The following EPHA6 variants were observed in gnomAD, a reference collection of about 807,000 sequenced individuals.
EPHA6 encodes EPH receptor A6.
EPHA6 carries 50 observed loss-of-function variants against 112.0 expected under a neutral mutation model. That is an observed-to-expected ratio of 0.45 (90% CI 0.36 to 0.56). The LOEUF (loss-of-function observed/expected upper bound fraction) is 0.56, where lower values mean the gene tolerates loss of function less well. EPHA6 is among the 20% of genes least tolerant of loss of function. EPHA6 has a pLI of 0.00. For missense variants in EPHA6, 1,280 were observed against 1,417.4 expected, an observed-to-expected ratio of 0.90 and a Z score of 1.56; for synonymous variants, 529 against 490.7, an observed-to-expected ratio of 1.08 and a Z score of -1.03.
chr3:97,369,393 G>A (rs2084921259), intron 5 of EPHA6, among the ~76,000 whole-genome samples: 1 of 152,114 alleles, frequency 6.6e-6, no homozygotes, highest in African/African-American at 2.4e-5. Context: ...TAGAAAAGTG[G>A]GTGGAGGCAG....
At chr3:97,700,605 A>G (rs1404316420) in intron 14 of EPHA6, among the ~76,000 whole-genome samples, 1 of 152,242 alleles carries the variant, frequency 6.6e-6, no homozygotes, top group African/African-American at 2.4e-5. Flanking sequence ...TGAACAGAAT[A>G]TCTAAAGTCA....
intron 5 of EPHA6, among the ~76,000 whole-genome samples, chr3:97,327,795 C>A (rs1025455689): frequency 1.0e-4 from 15 of 149,850 alleles, no homozygotes; most frequent in Non-Finnish European, 1.8e-4. Context: ...AGCAGTACTA[C>A]ATTCATTTTT....
intron 5 of EPHA6, among the ~76,000 whole-genome samples, chr3:97,352,694 T>C (rs141158792): frequency 2.6e-5 from 4 of 152,234 alleles, no homozygotes; most frequent in African/African-American, 9.6e-5. Flanking sequence ...TAGATTCCCA[T>C]ATAAACTTGA....
chr3:97,160,174 C>T (rs924855281), intron 3 of EPHA6, among the ~76,000 whole-genome samples: 6 of 152,142 alleles, frequency 3.9e-5, no homozygotes, highest in Non-Finnish European at 8.8e-5. Context: ...GGAAAAAAGT[C>T]TGACTGGTAT....
intron 3 of EPHA6, among the ~76,000 whole-genome samples, chr3:97,144,966 G>C (rs80252576): frequency 0.058 from 8,835 of 151,304 alleles, 875 homozygotes; most frequent in African/African-American, 0.2. Flanking sequence ...ATCCCATTTA[G>C]TAATTATTTT....
intron 11 of EPHA6, among the ~76,000 whole-genome samples, chr3:97,540,587 C>T (rs1453641320): frequency 6.6e-6 from 1 of 152,162 alleles, no homozygotes; most frequent in East Asian, 1.9e-4. Context: ...CTAACCTATT[C>T]CCTAGTTCTG....
At chr3:97,549,328 A>G (rs1252755636) in intron 11 of EPHA6, among the ~76,000 whole-genome samples, 4 of 152,172 alleles carry the variant, frequency 2.6e-5, no homozygotes, top group Admixed American at 6.6e-5. Context: ...GTTGCCAGGA[A>G]GAGGCTACAT....
At chr3:97,547,143 G>C (rs1434999212) in intron 11 of EPHA6, among the ~76,000 whole-genome samples, 1 of 152,164 alleles carries the variant, frequency 6.6e-6, no homozygotes, top group Admixed American at 6.5e-5. Flanking sequence ...GAGGTGCTCT[G>C]CTTTTTAGAG....
chr3:97,332,435 G>A (rs1445551487), intron 5 of EPHA6, among the ~76,000 whole-genome samples: 1 of 151,962 alleles, frequency 6.6e-6, no homozygotes, highest in Non-Finnish European at 1.5e-5. Flanking sequence ...AGGAAATAAA[G>A]GGTATTCAAT....
chr3:96,940,191 G>A (rs1307835362), intron 2 of EPHA6, among the ~76,000 whole-genome samples: 1 of 152,144 alleles, frequency 6.6e-6, no homozygotes, highest in African/African-American at 2.4e-5. Flanking sequence ...GTCTAATGTT[G>A]ACAGTGTGGT....
intron 3 of EPHA6, among the ~76,000 whole-genome samples, chr3:97,032,099 A>G (rs186290417): frequency 1.9e-4 from 29 of 152,314 alleles, no homozygotes; most frequent in Admixed American, 1.8e-3. Flanking sequence ...CATATACACC[A>G]TGGAATACTA....
intron 2 of EPHA6, 25 bp downstream of exon 2, chr3:96,866,914 G>T: frequency 7.3e-7 from 1 of 1,370,128 alleles, no homozygotes; most frequent in South Asian, 1.6e-5. Flanking sequence ...CTGAAAAATT[G>T]CTGTCTTTTT....
intron 11 of EPHA6, among the ~76,000 whole-genome samples, chr3:97,584,515 T>G (rs1390074950): frequency 6.6e-6 from 1 of 152,226 alleles, no homozygotes; most frequent in Non-Finnish European, 1.5e-5. Context: ...TTGCACCCAA[T>G]GGACCCTTCA....
chr3:97,577,792 G>T (rs371907495), intron 11 of EPHA6, among the ~76,000 whole-genome samples: 1 of 152,176 alleles, frequency 6.6e-6, no homozygotes, highest in African/African-American at 2.4e-5. Context: ...ATCTTTTCCG[G>T]TTTTTTGTTT....
chr3:97,459,190 G>A (rs2090801870), intron 7 of EPHA6, among the ~76,000 whole-genome samples: 1 of 152,176 alleles, frequency 6.6e-6, no homozygotes, highest in Non-Finnish European at 1.5e-5. Flanking sequence ...ATCAAAGAGA[G>A]CATGGAGCTT....
At chr3:97,005,414 G>T (rs112449918) in intron 3 of EPHA6, among the ~76,000 whole-genome samples, 4 of 152,002 alleles carry the variant, frequency 2.6e-5, no homozygotes, top group Admixed American at 1.3e-4. Context: ...TTGACTCTCC[G>T]CTTGCCTATT....
intron 5 of EPHA6, among the ~76,000 whole-genome samples, chr3:97,326,085 T>C (rs114687414): frequency 0.016 from 2,380 of 152,136 alleles, 29 homozygotes; most frequent in Middle Eastern, 0.038. Flanking sequence ...TTGTTACTGA[T>C]ATGAGGTAAT....
At chr3:97,538,182 T>A (rs2092789808) in intron 11 of EPHA6, among the ~76,000 whole-genome samples, 3 of 152,098 alleles carry the variant, frequency 2.0e-5, no homozygotes, top group Non-Finnish European at 2.9e-5. Context: ...GAGGCTAGTG[T>A]AGTATTCCAA....
intron 2 of EPHA6, among the ~76,000 whole-genome samples, chr3:96,981,310 T>G (rs113085758): frequency 0.029 from 4,426 of 152,286 alleles, 214 homozygotes; most frequent in African/African-American, 0.098. Flanking sequence ...GAGATAATCA[T>G]GTGGTTTTTG....
Sources: gnomAD v4.1 joint callset for allele counts (sites outside exome capture counted in the v4.1 genomes callset) on GRCh38, gnomAD v4.1.1 for gene constraint, MANE v1.5 for transcripts, NCBI Gene and HGNC (gene_info 2026-07-23, HGNC 2026-07-21) for gene names.